The following ODR4 variants were observed in gnomAD, a reference collection of about 807,000 sequenced individuals.
ODR4 encodes odr-4 GPCR localization factor homolog.
Under a neutral mutation model 60.2 loss-of-function variants are expected in ODR4, and 47 were observed. That is an observed-to-expected ratio of 0.78 (90% CI 0.62 to 1.00). The LOEUF (loss-of-function observed/expected upper bound fraction) is 1.00. Among genes scored for constraint, ODR4 ranks in the 50% least tolerant of loss-of-function variants. The probability of loss-of-function intolerance (pLI) is 0.00; values close to 1 mark genes in which losing one functional copy is unlikely to be tolerated. For synonymous variants in ODR4, 178 were observed against 175.5 expected (o/e 1.01, Z -0.11); for missense variants, 488 against 530.8 (o/e 0.92, Z 0.79).
At chr1:186,385,024 A>G (rs544213138) in intron 3 of ODR4, among the ~76,000 whole-genome samples, 2 of 152,140 alleles carry the variant, frequency 1.3e-5, no homozygotes, top group South Asian at 4.2e-4. Context: ...TGTGAAGGGA[A>G]ATACAGATAT....
chr1:186,376,165 C>G (rs899229429), intron 1 of ODR4, among the ~76,000 whole-genome samples, 191 bp downstream of exon 1: 6 of 152,100 alleles, frequency 3.9e-5, no homozygotes, highest in African/African-American at 1.4e-4. Flanking sequence ...CTGAGTGATT[C>G]AGTACCCGGG....
chr1:186,432,317 G>T, the ODR4 span, among the ~76,000 whole-genome samples: 1 of 151,994 alleles, frequency 6.6e-6, no homozygotes, highest in Admixed American at 6.6e-5. Flanking sequence ...TTCCATACTT[G>T]TGGAAATATT....
the ODR4 span, among the ~76,000 whole-genome samples, chr1:186,430,013 T>C: frequency 6.6e-6 from 1 of 152,112 alleles, no homozygotes; most frequent in African/African-American, 2.4e-5. Flanking sequence ...GTTGTTTGTT[T>C]TTGCCATTTT....
At chr1:186,392,554 T>C (rs1290114907) in intron 8 of ODR4, among the ~76,000 whole-genome samples, 1 of 152,164 alleles carries the variant, frequency 6.6e-6, no homozygotes, top group Non-Finnish European at 1.5e-5. Context: ...TGGTGGCTCA[T>C]GTCTGTAATC....
intron 4 of ODR4, among the ~76,000 whole-genome samples, chr1:186,387,140 A>C (rs1660283978): frequency 6.6e-6 from 1 of 152,210 alleles, no homozygotes; most frequent in Non-Finnish European, 1.5e-5. Context: ...TGAGAACTTC[A>C]GATGTTACAG....
rs778962443 is a variant in ODR4, at chr1:186,389,614, A to G, written c.464A>G (p.His155Arg). Residue 155 changes from histidine to arginine, a missense_variant, in exon 6 of 14, where the codon CAT (histidine) becomes CGT (arginine). Coordinates refer to ENST00000287859, the MANE Select transcript of ODR4 (RefSeq NM_017847.6). The stretch of plus-strand genomic sequence containing the variant: ...ATATTTTGTCGAACTTATGATATCC[A>G]TGATCCAAAGGTAAGAAATTTACTC... Reference protein sequence around the residue: ...KKIFCRTYDIHDPKSSARPAD... With the variant: ...KKIFCRTYDIRDPKSSARPAD... 3.9e-6 allele frequency: 6 copies of G among 1,536,196 alleles called. No homozygotes were observed. In the East Asian group the frequency reaches 7.0e-5, roughly 18 times the overall value.
intron 2 of ODR4, 104 bp downstream of exon 2, chr1:186,379,988 C>T: frequency 1.6e-6 from 1 of 635,002 alleles, no homozygotes; most frequent in Non-Finnish European, 2.5e-6. Flanking sequence ...TAATAATAAA[C>T]TCAAGATTGG....
intron 12 of ODR4, among the ~76,000 whole-genome samples, chr1:186,413,728 G>A (rs1393465137): frequency 2.0e-5 from 3 of 152,116 alleles, no homozygotes; most frequent in African/African-American, 7.2e-5. Context: ...TAATTTTATG[G>A]CTACATCGCT....
intron 8 of ODR4, among the ~76,000 whole-genome samples, chr1:186,392,462 CAG>C (rs1160678046): frequency 6.6e-6 from 1 of 152,148 alleles, no homozygotes; most frequent in African/African-American, 2.4e-5. Flanking sequence ...GCCATTAAAA[CAG>C]AACGAGATCA....
At chr1:186,385,221 T>G (rs1660208774) in intron 3 of ODR4, among the ~76,000 whole-genome samples, 1 of 151,074 alleles carries the variant, frequency 6.6e-6, no homozygotes, top group Non-Finnish European at 1.5e-5. Context: ...TATCAGTAAG[T>G]GGGCTTAAAA....
At chr1:186,382,329 G>T (rs138803635) in intron 2 of ODR4, among the ~76,000 whole-genome samples, 100 of 151,864 alleles carry the variant, frequency 6.6e-4, no homozygotes, top group African/African-American at 2.1e-3. Flanking sequence ...AGACTACTTG[G>T]GGGGAGGATT....
chr1:186,381,476 C>T (rs991484402), intron 2 of ODR4, among the ~76,000 whole-genome samples: 13 of 152,034 alleles, frequency 8.6e-5, no homozygotes, highest in African/African-American at 2.2e-4. Context: ...TACAGGCGCC[C>T]GCCACCTCGC....
chr1:186,403,317 G>A (rs551856936), intron 11 of ODR4, among the ~76,000 whole-genome samples: 3 of 151,828 alleles, frequency 2.0e-5, no homozygotes, highest in Admixed American at 6.6e-5. Context: ...GAGATGTTTT[G>A]TTACAATCAT....
At chr1:186,381,364 T>C (rs1660014897) in intron 2 of ODR4, among the ~76,000 whole-genome samples, 1 of 151,664 alleles carries the variant, frequency 6.6e-6, no homozygotes, top group Non-Finnish European at 1.5e-5. Flanking sequence ...AGTCTCGCTG[T>C]CGCCCAGGCT....
downstream of ODR4, among the ~76,000 whole-genome samples, chr1:186,423,045 C>G (rs564547634): frequency 2.6e-5 from 4 of 152,240 alleles, no homozygotes; most frequent in East Asian, 7.7e-4. Flanking sequence ...ATAGACCAAA[C>G]TCTAGAAAAC....
At chr1:186,412,868 A>T (rs941156720) in intron 12 of ODR4, among the ~76,000 whole-genome samples, 6 of 152,134 alleles carry the variant, frequency 3.9e-5, no homozygotes, top group Non-Finnish European at 7.4e-5. Context: ...TTAACACATT[A>T]TTAGGCTTTT....
intron 12 of ODR4, chr1:186,411,852 T>A (rs1661393377): frequency 2.0e-6 from 2 of 978,492 alleles, no homozygotes; most frequent in African/African-American, 3.5e-5. Context: ...AGTTTAATAT[T>A]ACAAGAACAA....
At chr1:186,430,954 A>T in the ODR4 span, among the ~76,000 whole-genome samples, 4 of 152,000 alleles carry the variant, frequency 2.6e-5, no homozygotes, top group Non-Finnish European at 5.9e-5. Context: ...AAGGGGAAAC[A>T]TACTGATGAA....
At chr1:186,392,525 C>T (rs949453562) in intron 8 of ODR4, among the ~76,000 whole-genome samples, 3 of 152,270 alleles carry the variant, frequency 2.0e-5, no homozygotes, top group Admixed American at 6.5e-5. Context: ...CCTTAGAAAA[C>T]GAATGCAGGG....
Sources: allele counts gnomAD v4.1 joint callset (sites outside exome capture counted in the v4.1 genomes callset), GRCh38; gene constraint gnomAD v4.1.1; transcripts MANE v1.5; gene names NCBI Gene and HGNC (gene_info 2026-07-23, HGNC 2026-07-21).